Variants in METTL15 observed in about 807,000 individuals in gnomAD.
METTL15 encodes the protein methyltransferase 15, mitochondrial 12S rRNA N4-cytidine, also known as 12S rRNA N(4)-cytidine methyltransferase METTL15.
METTL15 carries 34 observed loss-of-function variants against 38.3 expected under a neutral mutation model. The ratio of observed to expected loss-of-function variants is 0.89; its 90% CI spans 0.68 to 1.18. METTL15 has a LOEUF of 1.18. Among genes scored for constraint, METTL15 ranks in the 50% most tolerant of loss-of-function variants. The pLI is 0.00. For synonymous variants in METTL15, 162 were observed against 170.9 expected (o/e 0.95, Z 0.41); for missense variants, 438 against 498.4 (o/e 0.88, Z 1.15).
At chr11:28,378,470 C>A (rs1207151829) in intron 5 of METTL15, among the ~76,000 whole-genome samples, 1 of 152,228 alleles carries the variant, frequency 6.6e-6, no homozygotes, top group Admixed American at 6.5e-5. Flanking sequence ...ACTCCCTGAC[C>A]CCTTGCGCTT....
intron 4 of METTL15, among the ~76,000 whole-genome samples, chr11:28,278,392 T>C (rs1410273559): frequency 6.6e-6 from 1 of 152,222 alleles, no homozygotes; most frequent in African/African-American, 2.4e-5. Flanking sequence ...AAATTCTTTC[T>C]TATTCATTTT....
intron 3 of METTL15, among the ~76,000 whole-genome samples, chr11:28,210,616 CTG>C (rs1336455911): frequency 6.6e-6 from 1 of 151,856 alleles, no homozygotes; most frequent in Non-Finnish European, 1.5e-5. Flanking sequence ...TTCTCTCTCT[CTG>C]TCTTTCTGTT....
chr11:28,408,869 A>G (rs897468043), intron 5 of METTL15, among the ~76,000 whole-genome samples: 20 of 152,166 alleles, frequency 1.3e-4, no homozygotes, highest in Admixed American at 3.9e-4. Flanking sequence ...TTATATTTTT[A>G]AGTATTTTTA....
At chr11:28,189,525 C>T (rs1376916857) in intron 3 of METTL15, among the ~76,000 whole-genome samples, 1 of 150,964 alleles carries the variant, frequency 6.6e-6, no homozygotes, top group Non-Finnish European at 1.5e-5. Flanking sequence ...TTTTCAAATA[C>T]CTACTTTGAC....
intron 4 of METTL15, among the ~76,000 whole-genome samples, chr11:28,270,752 A>G (rs951680802): frequency 2.6e-5 from 4 of 152,154 alleles, no homozygotes; most frequent in Admixed American, 1.3e-4. Context: ...GCTATCAGTC[A>G]TTTGTTATAT....
intron 4 of METTL15, among the ~76,000 whole-genome samples, chr11:28,233,458 G>A (rs1185599024): frequency 6.6e-6 from 1 of 151,522 alleles, no homozygotes; most frequent in Non-Finnish European, 1.5e-5. Context: ...TATAGACTGT[G>A]GCTAATTTTT....
At chr11:28,427,973 G>C (rs1395019392) in intron 6 of METTL15, among the ~76,000 whole-genome samples, 1 of 152,226 alleles carries the variant, frequency 6.6e-6, no homozygotes, top group Non-Finnish European at 1.5e-5. Flanking sequence ...AGTGATGAGA[G>C]AGAGCATCCT....
At chr11:28,109,784 C>T (rs1851640094) in intron 1 of METTL15, among the ~76,000 whole-genome samples, 2 of 152,164 alleles carry the variant, frequency 1.3e-5, no homozygotes, top group South Asian at 4.1e-4. Flanking sequence ...AATCCAAGTA[C>T]TTTAGATTTC....
intron 4 of METTL15, among the ~76,000 whole-genome samples, chr11:28,239,367 A>G (rs985104673): frequency 6.6e-6 from 1 of 152,234 alleles, no homozygotes; most frequent in African/African-American, 2.4e-5. Context: ...TCCTTTTGAT[A>G]TGGCAGTACA....
chr11:28,377,154 C>G (rs992439525), intron 5 of METTL15, among the ~76,000 whole-genome samples: 13 of 147,154 alleles, frequency 8.8e-5, no homozygotes, highest in East Asian at 5.9e-4. Flanking sequence ...TTGCTCTTCT[C>G]AAGGAGTATC....
At chr11:28,391,952 A>G (rs946060561) in intron 5 of METTL15, among the ~76,000 whole-genome samples, 2 of 152,220 alleles carry the variant, frequency 1.3e-5, no homozygotes, top group African/African-American at 4.8e-5. Flanking sequence ...ACAAAAGCCA[A>G]AATTGACAAA....
intron 6 of METTL15, among the ~76,000 whole-genome samples, chr11:28,456,317 C>T (rs552613989): frequency 2.6e-5 from 4 of 152,092 alleles, no homozygotes; most frequent in Non-Finnish European, 5.9e-5. Context: ...TGCTACTGCA[C>T]GGTTTCTCCT....
At chr11:28,400,690 C>T (rs1300859971) in intron 5 of METTL15, among the ~76,000 whole-genome samples, 1 of 151,924 alleles carries the variant, frequency 6.6e-6, no homozygotes, top group African/African-American at 2.4e-5. Flanking sequence ...ACATTACCCA[C>T]ATGAGTGTGG....
At chr11:28,263,862 G>C (rs994340897) in intron 4 of METTL15, among the ~76,000 whole-genome samples, 1 of 151,798 alleles carries the variant, frequency 6.6e-6, no homozygotes, top group South Asian at 2.1e-4. Flanking sequence ...GTTGTATTCT[G>C]TCATATATTG....
chr11:28,170,650 T>C (rs1490937376), intron 3 of METTL15, among the ~76,000 whole-genome samples: 10 of 152,154 alleles, frequency 6.6e-5, no homozygotes, highest in Non-Finnish European at 1.0e-4. Flanking sequence ...TTAAACCATA[T>C]AGGGTAACTT....
chr11:28,448,248 G>C (rs1436637996), intron 6 of METTL15, among the ~76,000 whole-genome samples: 1 of 152,120 alleles, frequency 6.6e-6, no homozygotes, highest in African/African-American at 2.4e-5. Context: ...GTATTTGTTG[G>C]TATCTTTGTT....
intron 6 of METTL15, among the ~76,000 whole-genome samples, chr11:28,464,989 C>G (rs749079245): frequency 6.6e-6 from 1 of 152,168 alleles, no homozygotes; most frequent in Non-Finnish European, 1.5e-5. Flanking sequence ...AAGATCTGGT[C>G]ACACTCACTC....
chr11:28,321,314 A>G lies in METTL15; in HGVS notation c.779-9082A>G, dbSNP rs147398961. Among the ~76,000 whole-genome samples, 661 of 152,318 alleles carry G rather than the reference A, an allele frequency of 4.3e-3. 8 individuals are homozygous for G. Among genetic ancestry groups the G allele is most frequent in the African/African-American group, 0.014 (598 of 41,580 alleles). ...CTCAGAAGTGTTTTACCCCACATCAAATAGCCATAAAAAAAGTGAATGATC... is the reference window on the plus strand; with the variant it reads ...CTCAGAAGTGTTTTACCCCACATCAGATAGCCATAAAAAAAGTGAATGATC... On this transcript the variant is annotated intron_variant, in intron 6 of 6. Transcript: ENST00000407364.
chr11:28,135,828 T>C (rs896886848), intron 3 of METTL15, among the ~76,000 whole-genome samples: 1 of 152,190 alleles, frequency 6.6e-6, no homozygotes, highest in Non-Finnish European at 1.5e-5. Flanking sequence ...CAAAATAAAT[T>C]TCCTTGACTC....
Sources: gnomAD v4.1 joint callset for allele counts (sites outside exome capture counted in the v4.1 genomes callset) on GRCh38, gnomAD v4.1.1 for gene constraint, MANE v1.5 for transcripts, NCBI Gene and HGNC (gene_info 2026-07-23, HGNC 2026-07-21) for gene names.